GNA14: variants seen among roughly 807,000 people sequenced by gnomAD.
The protein encoded by GNA14 is guanine nucleotide-binding protein subunit alpha-14.
Under a neutral mutation model 42.0 loss-of-function variants are expected in GNA14, and 50 were observed. That is an observed-to-expected ratio of 1.19 (90% CI 0.95 to 1.51). The LOEUF is 1.51. Among genes scored for constraint, GNA14 ranks in the 40% most tolerant of loss-of-function variants. GNA14 has a pLI of 0.00. For missense variants in GNA14, 473 were observed against 446.2 expected, an observed-to-expected ratio of 1.06 and a Z score of -0.54; for synonymous variants, 173 against 163.1, an observed-to-expected ratio of 1.06 and a Z score of -0.46.
chr9:77,599,160 G>C (rs1823513150), intron 1 of GNA14, among the ~76,000 whole-genome samples: 1 of 152,178 alleles, frequency 6.6e-6, no homozygotes, highest in South Asian at 2.1e-4. Context: ...AGTTCAGTTT[G>C]GCAAAATGGA....
At chr9:77,606,120 T>A (rs1044814702) in intron 1 of GNA14, among the ~76,000 whole-genome samples, 2 of 152,192 alleles carry the variant, frequency 1.3e-5, no homozygotes, top group Non-Finnish European at 2.9e-5. Flanking sequence ...TTTAAGTGCT[T>A]TATTACTCTA....
chr9:77,558,435 AT>A (rs1298256708), intron 1 of GNA14, among the ~76,000 whole-genome samples: 1 of 152,154 alleles, frequency 6.6e-6, no homozygotes, highest in Admixed American at 6.5e-5. Flanking sequence ...ATATACATAC[AT>A]TTTTGAAAAT....
intron 1 of GNA14, among the ~76,000 whole-genome samples, chr9:77,607,951 G>C (rs1406166340): frequency 3.3e-5 from 5 of 152,114 alleles, no homozygotes; most frequent in Admixed American, 3.3e-4. Context: ...GAGGGTTAAG[G>C]CTTCAAAACA....
intron 1 of GNA14, among the ~76,000 whole-genome samples, chr9:77,640,590 C>T (rs1260340618): frequency 6.6e-6 from 1 of 152,050 alleles, no homozygotes; most frequent in Non-Finnish European, 1.5e-5. Flanking sequence ...TTATATCTGC[C>T]CACAGCTTAA....
intron 2 of GNA14, among the ~76,000 whole-genome samples, chr9:77,527,044 T>G (rs950384790): frequency 1.3e-5 from 2 of 152,190 alleles, no homozygotes; most frequent in Non-Finnish European, 2.9e-5. Context: ...CACAGGAGCC[T>G]TTTCTCCTCA....
At chr9:77,601,193 T>A (rs1823558172) in intron 1 of GNA14, among the ~76,000 whole-genome samples, 1 of 152,212 alleles carries the variant, frequency 6.6e-6, no homozygotes, top group Admixed American at 6.5e-5. Flanking sequence ...TTTTTGTTTT[T>A]TTGTTTTCTT....
At chr9:77,442,947 A>G (rs899027223) in intron 2 of GNA14, among the ~76,000 whole-genome samples, 8 of 152,254 alleles carry the variant, frequency 5.3e-5, no homozygotes, top group East Asian at 1.9e-4. Flanking sequence ...GGTGAAAAGC[A>G]TAGCTAGAGC....
At chr9:77,477,522 G>A (rs1836453411) in intron 2 of GNA14, among the ~76,000 whole-genome samples, 1 of 152,074 alleles carries the variant, frequency 6.6e-6, no homozygotes, top group Non-Finnish European at 1.5e-5. Context: ...AATAATTACA[G>A]GCATTTGAAG....
At chr9:77,544,689 A>AAAAG (rs1837699227) in intron 1 of GNA14, among the ~76,000 whole-genome samples, 1 of 151,596 alleles carries the variant, frequency 6.6e-6, no homozygotes, top group African/African-American at 2.4e-5. Flanking sequence ...AAAAAAAAAA[A>AAAAG]AAGAAGGTTC....
chr9:77,572,969 C>T (rs956881874), intron 1 of GNA14, among the ~76,000 whole-genome samples: 1 of 152,050 alleles, frequency 6.6e-6, no homozygotes, highest in Non-Finnish European at 1.5e-5. Context: ...ACTAATAAGC[C>T]AACAATATAC....
chr9:77,548,380 G>C (rs1015057591), intron 1 of GNA14, among the ~76,000 whole-genome samples: 1 of 152,126 alleles, frequency 6.6e-6, no homozygotes, highest in African/African-American at 2.4e-5. Context: ...AGCTTGACTT[G>C]ATTACATCTA....
At chr9:77,556,329 G>GCA (rs1177154850) in intron 1 of GNA14, among the ~76,000 whole-genome samples, 1 of 152,090 alleles carries the variant, frequency 6.6e-6, no homozygotes, top group Non-Finnish European at 1.5e-5. Context: ...ACACATCATG[G>GCA]CAGATATATG....
At chr9:77,454,407 G>A (rs71511425) in intron 2 of GNA14, among the ~76,000 whole-genome samples, 1,942 of 152,250 alleles carry the variant, frequency 0.013, 17 homozygotes, top group Middle Eastern at 0.024. Flanking sequence ...CTCGCTGTGT[G>A]CATCTTGGCA....
At chr9:77,623,561 A>G (rs1436510628) in intron 1 of GNA14, among the ~76,000 whole-genome samples, 2 of 152,158 alleles carry the variant, frequency 1.3e-5, no homozygotes, top group African/African-American at 4.8e-5. Context: ...TGCATTTCAA[A>G]CTAAGGTACC....
intron 1 of GNA14, among the ~76,000 whole-genome samples, chr9:77,578,278 C>A (rs988656730): frequency 1.3e-5 from 2 of 152,118 alleles, no homozygotes; most frequent in Admixed American, 1.3e-4. Flanking sequence ...CCGTCTCAAA[C>A]AAAACAAAAA....
At chr9:77,505,952 T>C (rs975650718) in intron 2 of GNA14, among the ~76,000 whole-genome samples, 6 of 152,062 alleles carry the variant, frequency 3.9e-5, no homozygotes, top group Non-Finnish European at 8.8e-5. Flanking sequence ...TAAAACTTTT[T>C]AGTAGCCATT....
At chr9:77,436,035 C>T (rs1476277128) in intron 2 of GNA14, among the ~76,000 whole-genome samples, 6 of 152,190 alleles carry the variant, frequency 3.9e-5, no homozygotes, top group East Asian at 1.9e-4. Context: ...TTTTATTGTG[C>T]GTTGTTCATC....
intron 2 of GNA14, among the ~76,000 whole-genome samples, chr9:77,506,400 C>T (rs1464132902): frequency 4.0e-5 from 6 of 151,582 alleles, no homozygotes; most frequent in East Asian, 2.0e-4. Context: ...CATGAGAGGC[C>T]GGGCGCAGTG....
intron 2 of GNA14, among the ~76,000 whole-genome samples, chr9:77,486,783 G>A (rs749183712): frequency 1.3e-5 from 2 of 152,108 alleles, no homozygotes; most frequent in African/African-American, 4.8e-5. Flanking sequence ...TATACACAAT[G>A]TTTATTGACT....
Sources: allele counts gnomAD v4.1 joint callset (sites outside exome capture counted in the v4.1 genomes callset), GRCh38; gene constraint gnomAD v4.1.1; transcripts MANE v1.5; gene names NCBI Gene and HGNC (gene_info 2026-07-23, HGNC 2026-07-21).